The following VPS45 variants were observed in gnomAD, a reference collection of about 807,000 sequenced individuals.
VPS45 encodes vacuolar protein sorting 45 homolog, also known as vacuolar protein sorting-associated protein 45.
A neutral mutation model predicts 75.9 loss-of-function variants in VPS45; 35 were observed. The ratio of observed to expected loss-of-function variants is 0.46; its 90% CI spans 0.35 to 0.61. The LOEUF is 0.61. Ranked by LOEUF, VPS45 falls within the 20% of genes least tolerant of loss-of-function variation. The pLI is 0.00. For synonymous variants in VPS45, 220 were observed against 238.2 expected, an observed-to-expected ratio of 0.92 and a Z score of 0.70; for missense variants, 559 against 685.9, an observed-to-expected ratio of 0.81 and a Z score of 2.07.
At chr1:150,134,263 T>C (rs1658967649) in intron 14 of VPS45, among the ~76,000 whole-genome samples, 1 of 152,238 alleles carries the variant, frequency 6.6e-6, no homozygotes, top group South Asian at 2.1e-4. Flanking sequence ...TGGAAAACAC[T>C]CTATCCTTCT....
chr1:150,081,626 G>A, intron 8 of VPS45, 150 bp downstream of exon 8: 1 of 994,578 alleles, frequency 1.0e-6, no homozygotes, highest in Middle Eastern at 3.1e-4. Flanking sequence ...AGGGAAGGCA[G>A]AAGACTTGGA....
At chr1:150,102,841 A>G (rs1657115695) in intron 13 of VPS45, among the ~76,000 whole-genome samples, 1 of 152,166 alleles carries the variant, frequency 6.6e-6, no homozygotes, top group South Asian at 2.1e-4. Context: ...ACACAGAAGG[A>G]AACAGCAGAC....
chr1:150,075,945 G>A (rs1655349375), intron 3 of VPS45, among the ~76,000 whole-genome samples: 1 of 151,434 alleles, frequency 6.6e-6, no homozygotes. Context: ...GTAGAGACGG[G>A]GTTTCACCGT....
chr1:150,072,094 G>T, intron 2 of VPS45, 72 bp from the exon 3 acceptor site: 1 of 1,320,016 alleles, frequency 7.6e-7, no homozygotes. Flanking sequence ...ACAAATCAAT[G>T]GGTGAATGCT....
At chr1:150,102,251 A>AAC (rs1553804602) in intron 13 of VPS45, among the ~76,000 whole-genome samples, 2 of 149,186 alleles carry the variant, frequency 1.3e-5, no homozygotes, top group Non-Finnish European at 1.5e-5. Context: ...AAAAAAAAAA[A>AAC]AAACAAACAC....
At position 150,093,615 on chromosome 1, in the gene VPS45, A is replaced by G. The variant is rs1559916176; in HGVS notation, c.1460A>G (p.Tyr487Cys). ...AAAGGAAGGCTTAAGGAAAACCTAT[A>G]TCCTTATTTAGGCCCCAGCACACTC... The part of the protein sequence containing the change: ...LIKGRLKENL[Y>C]PYLGPSTLRD... Residue 487 changes from tyrosine to cysteine, a missense_variant, in exon 13 of 15, where the codon TAT (tyrosine) becomes TGT (cysteine). Tyr to Cys is a radical substitution (Grantham distance 194). Coordinates refer to ENST00000644510, the MANE Select transcript of VPS45 (RefSeq NM_007259.5). 1 of 1,613,864 alleles carries G rather than the reference A, an allele frequency of 6.2e-7. No homozygotes were observed. Among genetic ancestry groups the G allele is most frequent in the East Asian group, 2.2e-5 (1 of 44,810 alleles).
In VPS45 at chr1:150,091,994, G is replaced by A. The variant is rs782104716; in HGVS notation, c.1162G>A (p.Val388Met). 1.2e-6 allele frequency: 2 copies of A among 1,613,952 alleles called. No homozygotes were observed. Among genetic ancestry groups the A allele is most frequent in the Admixed American group, 1.7e-5 (1 of 59,994 alleles). ...KVTEFDAARL[V>M]MLYALHYERH... is the part of the protein sequence containing the mutation. ...GACAGAGTTTGATGCTGCCCGCCTG[G>A]TGATGCTTTATGCTTTACATTATGA... is the stretch of plus-strand genomic sequence containing the variant. The change falls in exon 11 of 15, where the codon GTG (valine) becomes ATG (methionine). Residue 388 changes from valine (V) to methionine (M), a missense_variant. Coordinates refer to ENST00000644510, the MANE Select transcript of VPS45 (RefSeq NM_007259.5).
chr1:150,137,232 C>T (rs1553813987), intron 14 of VPS45, among the ~76,000 whole-genome samples: 1 of 152,070 alleles, frequency 6.6e-6, no homozygotes, highest in African/African-American at 2.4e-5. Context: ...CAACCTATTC[C>T]CTTGCTCCTG....
At chr1:150,112,287 TTTG>T (rs1553807325) in intron 14 of VPS45, among the ~76,000 whole-genome samples, 1 of 152,170 alleles carries the variant, frequency 6.6e-6, no homozygotes, top group Non-Finnish European at 1.5e-5. Context: ...GTATAAAAGT[TTTG>T]TTGTTATTAC....
At position 150,081,918 on chromosome 1, in the gene VPS45, A is replaced by G. The variant is rs782164464; in HGVS notation, c.857A>G (p.Asn286Ser). The change falls in exon 9 of 15, where the codon AAT becomes AGT. Residue 286 changes from asparagine (N) to serine (S), a missense_variant. By Grantham distance (46) the Asn-to-Ser change is conservative (BLOSUM62 1). Transcript: ENST00000644510. Reference protein sequence around the residue: ...MYLNFAEIGSNIKNLMEDFQK... With the variant: ...MYLNFAEIGSSIKNLMEDFQK... ...CTGAACTTTGCTGAGATTGGTAGCA[A>G]TATAAAGAATCTCATGGAAGATTTT... is the stretch of plus-strand genomic sequence containing the variant. 7 of 1,613,382 alleles carry G rather than the reference A, an allele frequency of 4.3e-6. No individual in the cohort carries two copies. The highest frequency in any genetic ancestry group is 5.9e-6 in the Non-Finnish European group (7 of 1,179,704).
chr1:150,134,038 G>A (rs1214867846), intron 14 of VPS45, among the ~76,000 whole-genome samples: 2 of 152,126 alleles, frequency 1.3e-5, no homozygotes, highest in Admixed American at 1.3e-4. Flanking sequence ...ACTAAGGAGG[G>A]AATTCCGAAG....
intron 7 of VPS45, among the ~76,000 whole-genome samples, chr1:150,080,018 A>C (rs958416907): frequency 2.0e-5 from 3 of 152,214 alleles, no homozygotes; most frequent in Non-Finnish European, 4.4e-5. Flanking sequence ...AAAGGTTAAA[A>C]GTTACAATTT....
intron 14 of VPS45, among the ~76,000 whole-genome samples, chr1:150,132,645 T>G (rs1553812628): frequency 6.6e-6 from 1 of 152,226 alleles, no homozygotes; most frequent in Non-Finnish European, 1.5e-5. Flanking sequence ...AAGTGGAACC[T>G]GTTACTTATA....
chr1:150,135,930 C>T (rs1438618251), intron 14 of VPS45, among the ~76,000 whole-genome samples: 3 of 151,634 alleles, frequency 2.0e-5, no homozygotes, highest in East Asian at 2.0e-4. Flanking sequence ...TGAACCACCA[C>T]GCCTAGCCCT....
At chr1:150,074,952 A>ATTTTTTTTTT (rs1185847959) in intron 3 of VPS45, among the ~76,000 whole-genome samples, 1 of 88,150 alleles carries the variant, frequency 1.1e-5, no homozygotes, top group Non-Finnish European at 2.4e-5. Context: ...ATAATTATTT[A>ATTTTTTTTTT]TTCTTTTTTT....
At chr1:150,089,118 A>G (rs1656183545) in intron 10 of VPS45, among the ~76,000 whole-genome samples, 1 of 152,192 alleles carries the variant, frequency 6.6e-6, no homozygotes, top group African/African-American at 2.4e-5. Flanking sequence ...ATCCAAGTGA[A>G]GGTAAATAGA....
At chr1:150,130,038 C>T (rs1553811933) in intron 14 of VPS45, among the ~76,000 whole-genome samples, 1 of 151,670 alleles carries the variant, frequency 6.6e-6, no homozygotes, top group African/African-American at 2.4e-5. Context: ...ATCTATCTAT[C>T]TATTTATTTG....
rs886240001 is a variant in VPS45 at position 150,113,686 on chromosome 1, A to G, written c.1625+3059A>G. Among the ~76,000 whole-genome samples the G allele has an allele frequency of 5.9e-5, 9 of 151,942 alleles. No homozygotes were observed. In the East Asian group the frequency reaches 1.7e-3, roughly 29 times the overall value. On this transcript the variant is annotated intron_variant, in intron 14 of 14. Transcript: ENST00000644510. ...CAAGGTGGGTAGATCATTTGAGGTC[A>G]GGAGTTTGAGACCAGCCTGGCCAAC...
At chr1:150,074,014 T>G (rs1194907332) in intron 3 of VPS45, among the ~76,000 whole-genome samples, 488 of 15,176 alleles carry the variant, frequency 0.032, 3 homozygotes, top group African/African-American at 0.06. Context: ...TGTGTTGTTT[T>G]TGTTTTTTTT....
Sources: gnomAD v4.1 joint callset for allele counts (sites outside exome capture counted in the v4.1 genomes callset) on GRCh38, gnomAD v4.1.1 for gene constraint, MANE v1.5 for transcripts, NCBI Gene and HGNC (gene_info 2026-07-23, HGNC 2026-07-21) for gene names.